The following PPP1R1C variants were observed in gnomAD, a reference collection of about 807,000 sequenced individuals.
The protein encoded by PPP1R1C is protein phosphatase 1 regulatory inhibitor subunit 1C, also known as protein phosphatase 1 regulatory subunit 1C.
In PPP1R1C, 15 loss-of-function variants were observed where a neutral mutation model predicts 17.4. The ratio of observed to expected loss-of-function variants is 0.86; its 90% CI spans 0.58 to 1.33. The LOEUF (loss-of-function observed/expected upper bound fraction) is 1.33. PPP1R1C is among the 40% of genes most tolerant of loss of function. The probability of loss-of-function intolerance (pLI) is 0.00; values close to 1 mark genes in which losing one functional copy is unlikely to be tolerated. For missense variants in PPP1R1C, 143 were observed against 130.0 expected (o/e 1.10, Z -0.48); for synonymous variants, 35 against 43.1 (o/e 0.81, Z 0.73).
At chr2:182,118,006 A>G (rs1488990684), downstream of PPP1R1C, 4 of 152,152 alleles carry the variant, frequency 2.6e-5, no homozygotes, top group African/African-American at 9.7e-5. Flanking sequence ...CCAAAAATCT[A>G]TGCCAAATCT....
At chr2:182,061,784 C>G (rs912418278) in intron 3 of PPP1R1C, among the ~76,000 whole-genome samples, 10 of 152,014 alleles carry the variant, frequency 6.6e-5, no homozygotes, top group African/African-American at 1.9e-4. Flanking sequence ...CAGGCTAAGC[C>G]AAGTAATGCT....
At position 182,074,232 on chromosome 2, in the gene PPP1R1C, G is replaced by T. The variant is rs532860131; in HGVS notation, c.241+10441G>T. Reference sequence around the variant, plus strand: ...AATTTTTTGTACTTTTAGTAGAGACGGGGTTTCACCATATTAGCCAGGATG... The same window carrying T: ...AATTTTTTGTACTTTTAGTAGAGACTGGGTTTCACCATATTAGCCAGGATG... On this transcript the variant is annotated intron_variant, in intron 4 of 4. Transcript: ENST00000682840. 2.5e-3 allele frequency among the ~76,000 whole-genome samples: 383 copies of T among 151,804 alleles called. 2 individuals are homozygous for T. Among genetic ancestry groups the T allele is most frequent in the African/African-American group, 8.6e-3 (357 of 41,426 alleles).
At chr2:182,090,590 A>G (rs1015683533) in intron 4 of PPP1R1C, among the ~76,000 whole-genome samples, 3 of 152,194 alleles carry the variant, frequency 2.0e-5, no homozygotes, top group African/African-American at 7.2e-5. Context: ...GCTGTGCTTA[A>G]TATTTAAGCT....
At chr2:182,032,733 C>A (rs1686883598) in intron 2 of PPP1R1C, among the ~76,000 whole-genome samples, 1 of 152,126 alleles carries the variant, frequency 6.6e-6, no homozygotes, top group South Asian at 2.1e-4. Context: ...TCAATTTTCT[C>A]ATCTATAAAA....
chr2:182,034,081 C>T (rs1415906026), intron 2 of PPP1R1C, among the ~76,000 whole-genome samples: 2 of 152,134 alleles, frequency 1.3e-5, no homozygotes, highest in African/African-American at 4.8e-5. Flanking sequence ...CCCATGAGCA[C>T]ACCATAATAC....
intron 2 of PPP1R1C, among the ~76,000 whole-genome samples, chr2:182,004,372 G>A (rs1270858912): frequency 1.3e-5 from 2 of 152,184 alleles, no homozygotes; most frequent in African/African-American, 2.4e-5. Context: ...CTGAGTTGAG[G>A]ATTCACAATG....
At chr2:182,083,842 C>T (rs1688550096) in intron 4 of PPP1R1C, among the ~76,000 whole-genome samples, 1 of 152,142 alleles carries the variant, frequency 6.6e-6, no homozygotes, top group Admixed American at 6.5e-5. Flanking sequence ...AATCTCCATA[C>T]TGTTTTCCAT....
intron 1 of PPP1R1C, among the ~76,000 whole-genome samples, chr2:181,969,950 C>A (rs987180400): frequency 6.6e-6 from 1 of 152,102 alleles, no homozygotes; most frequent in African/African-American, 2.4e-5. Context: ...CTGTTTGATT[C>A]TGTTTAATTA....
intron 2 of PPP1R1C, among the ~76,000 whole-genome samples, chr2:182,018,343 G>A (rs921029559): frequency 6.6e-6 from 1 of 152,198 alleles, no homozygotes; most frequent in African/African-American, 2.4e-5. Flanking sequence ...TAAAGGAGTT[G>A]CAATAAGTAG....
intron 4 of PPP1R1C, among the ~76,000 whole-genome samples, chr2:182,109,645 T>C (rs1689359607): frequency 6.6e-6 from 1 of 152,236 alleles, no homozygotes. Flanking sequence ...TGTCAAAGAT[T>C]AGTTGACTAC....
At chr2:182,034,358 G>A (rs1686935645) in intron 2 of PPP1R1C, among the ~76,000 whole-genome samples, 1 of 151,906 alleles carries the variant, frequency 6.6e-6, no homozygotes, top group Admixed American at 6.6e-5. Flanking sequence ...GCTCAGTCAT[G>A]GAATTAATAC....
downstream of PPP1R1C, among the ~76,000 whole-genome samples, chr2:182,118,875 G>A: frequency 7.0e-6 from 1 of 143,214 alleles, no homozygotes; most frequent in East Asian, 2.0e-4. Context: ...CTCCTTCTCT[G>A]TCTTTCTCCA....
At chr2:182,098,514 T>A (rs1225826423) in intron 4 of PPP1R1C, among the ~76,000 whole-genome samples, 1 of 152,056 alleles carries the variant, frequency 6.6e-6, no homozygotes, top group Non-Finnish European at 1.5e-5. Context: ...AAGTAAGAGA[T>A]CACCACAAGC....
In PPP1R1C at chr2:182,087,513, C is replaced by A. The variant is rs1458417022; in HGVS notation, c.241+23722C>A. Among the ~76,000 whole-genome samples the A allele has an allele frequency of 2.0e-5, 3 of 152,180 alleles. No individual in the cohort carries two copies. In the East Asian group the frequency reaches 5.8e-4, roughly 29 times the overall value. Reference sequence around the variant, plus strand: ...ATATGATGCTTAATATCTGGACTTTCCCACTAAAAATAAACTCCATAAGGT... The same window carrying A: ...ATATGATGCTTAATATCTGGACTTTACCACTAAAAATAAACTCCATAAGGT... On this transcript the variant is annotated intron_variant, in intron 4 of 4. Transcript: ENST00000682840.
chr2:182,116,252 G>C (rs1401394616), intron 4 of PPP1R1C, among the ~76,000 whole-genome samples: 2 of 152,116 alleles, frequency 1.3e-5, no homozygotes, highest in African/African-American at 4.8e-5. Context: ...ACTGTGCCTG[G>C]GACTCCAAAT....
intron 2 of PPP1R1C, chr2:182,023,807 A>C (rs1686507187): frequency 6.6e-6 from 1 of 151,824 alleles, no homozygotes; most frequent in Admixed American, 6.6e-5. Flanking sequence ...TATTGTTTTT[A>C]ATTTTTTTTT....
At chr2:182,018,122 T>A (rs1264430455) in intron 2 of PPP1R1C, among the ~76,000 whole-genome samples, 1 of 152,166 alleles carries the variant, frequency 6.6e-6, no homozygotes, top group African/African-American at 2.4e-5. Flanking sequence ...TGGACAGTAA[T>A]GTGAAAAAAC....
At chr2:182,037,558 G>T (rs1191960738) in intron 2 of PPP1R1C, among the ~76,000 whole-genome samples, 1 of 150,958 alleles carries the variant, frequency 6.6e-6, no homozygotes, top group East Asian at 1.9e-4. Flanking sequence ...CTGCACTCCA[G>T]CCTGGTGACA....
intron 2 of PPP1R1C, among the ~76,000 whole-genome samples, chr2:182,002,644 A>G (rs1430581517): frequency 6.6e-6 from 1 of 152,120 alleles, no homozygotes; most frequent in Non-Finnish European, 1.5e-5. Context: ...GGCTAAGACT[A>G]ATGCACCAAA....
Sources: gnomAD v4.1 joint callset for allele counts (sites outside exome capture counted in the v4.1 genomes callset) on GRCh38, gnomAD v4.1.1 for gene constraint, MANE v1.5 for transcripts, NCBI Gene and HGNC (gene_info 2026-07-23, HGNC 2026-07-21) for gene names.